SLC44A3: variants seen among roughly 807,000 people sequenced by gnomAD.
SLC44A3 encodes the protein choline transporter-like protein 3.
In SLC44A3, 74 loss-of-function variants were observed where a neutral mutation model predicts 75.4. The observed-to-expected ratio is 0.98, with a 90% CI of 0.81 to 1.19. SLC44A3 has a LOEUF of 1.19. Among genes scored for constraint, SLC44A3 ranks in the 50% most tolerant of loss-of-function variants. SLC44A3 has a pLI of 0.00. For missense variants in SLC44A3, 700 were observed against 778.6 expected (o/e 0.90, Z 1.20); for synonymous variants, 310 against 296.9 (o/e 1.04, Z -0.45).
At chr1:94,878,309 C>G (rs1668553892) in intron 12 of SLC44A3, among the ~76,000 whole-genome samples, 2 of 152,074 alleles carry the variant, frequency 1.3e-5, no homozygotes, top group Non-Finnish European at 2.9e-5. Context: ...TGCGAGGCTC[C>G]TGACCTCGCT....
At chr1:94,827,995 G>C (rs1175884685) in intron 4 of SLC44A3, among the ~76,000 whole-genome samples, 3 of 152,160 alleles carry the variant, frequency 2.0e-5, no homozygotes, top group Non-Finnish European at 4.4e-5. Context: ...TCCGGTCCTA[G>C]AGATGTACGT....
intron 2 of SLC44A3, among the ~76,000 whole-genome samples, chr1:94,822,339 A>G (rs1660726817): frequency 6.6e-6 from 1 of 152,236 alleles, no homozygotes; most frequent in African/African-American, 2.4e-5. Flanking sequence ...TTTCATTTGC[A>G]AAATAAGTCT....
intron 3 of SLC44A3, chr1:94,825,913 A>G (rs1421572266): frequency 2.0e-5 from 9 of 456,176 alleles, no homozygotes; most frequent in East Asian, 1.4e-4. Flanking sequence ...TTCATAATGC[A>G]GTGTCAACAA....
intron 6 of SLC44A3, among the ~76,000 whole-genome samples, chr1:94,838,715 A>C (rs1663150277): frequency 2.6e-5 from 4 of 152,242 alleles, no homozygotes; most frequent in Admixed American, 2.6e-4. Flanking sequence ...TATGACTTTC[A>C]GACTTCTTAC....
intron 14 of SLC44A3, among the ~76,000 whole-genome samples, chr1:94,894,300 C>T (rs1670537685): frequency 6.6e-6 from 1 of 152,146 alleles, no homozygotes; most frequent in Admixed American, 6.5e-5. Context: ...ACTCTCTGAC[C>T]TTCTCCCAAA....
At chr1:94,825,744 C>T (rs1661228130) in intron 3 of SLC44A3, 1 of 428,858 alleles carries the variant, frequency 2.3e-6, no homozygotes, top group Non-Finnish European at 4.7e-6. Context: ...CAGACTAAGC[C>T]TCTTATCCTC....
intron 5 of SLC44A3, among the ~76,000 whole-genome samples, chr1:94,836,082 T>C (rs1473040573): frequency 1.3e-5 from 2 of 152,248 alleles, no homozygotes. Flanking sequence ...CATTAGAAGC[T>C]TGGGAAGTCA....
chr1:94,843,523 G>C (rs1043179377), intron 8 of SLC44A3: 19 of 141,096 alleles, frequency 1.3e-4, no homozygotes, highest in African/African-American at 4.7e-4. Flanking sequence ...TCCTGGAGCA[G>C]CTTCTGCAGT....
intron 6 of SLC44A3, among the ~76,000 whole-genome samples, chr1:94,838,552 T>C (rs1292286728): frequency 2.6e-5 from 4 of 152,248 alleles, no homozygotes; most frequent in African/African-American, 9.6e-5. Context: ...TCTCCTCGCT[T>C]TCCAGTGGCA....
chr1:94,832,947 ACAGAGCAAGACCCTGTCT>A (rs1245474520), intron 5 of SLC44A3, among the ~76,000 whole-genome samples: 1 of 151,228 alleles, frequency 6.6e-6, no homozygotes, highest in East Asian at 1.9e-4. Flanking sequence ...AGCCTTGGTG[ACAGAGCAAGACCCTGTCT>A]CAACTTTTTT....
chr1:94,878,220 G>C (rs550781741), intron 12 of SLC44A3, among the ~76,000 whole-genome samples: 1 of 151,818 alleles, frequency 6.6e-6, no homozygotes, highest in Non-Finnish European at 1.5e-5. Context: ...GGGCGACAGC[G>C]AGACTCCGTC....
chr1:94,869,091 G>A (rs941761066), intron 12 of SLC44A3, among the ~76,000 whole-genome samples: 1 of 152,254 alleles, frequency 6.6e-6, no homozygotes, highest in Admixed American at 6.5e-5. Context: ...TTTGAGGACA[G>A]GTCTCTGCTG....
At chr1:94,824,443 T>G (rs1393760143) in intron 2 of SLC44A3, 50 bp from the exon 3 acceptor site, 2 of 1,535,750 alleles carry the variant, frequency 1.3e-6, no homozygotes, top group East Asian at 4.6e-5. Context: ...TGTGGGGCAC[T>G]GTGCGCTCAG....
intron 7 of SLC44A3, among the ~76,000 whole-genome samples, chr1:94,841,139 C>T (rs1238078410): frequency 6.6e-6 from 1 of 152,188 alleles, no homozygotes; most frequent in Admixed American, 6.5e-5. Context: ...CAGCATGCTA[C>T]TGTACAGAAT....
In SLC44A3 at chr1:94,845,348, C is replaced by T; in HGVS notation, c.956C>T (p.Thr319Ile). 3.1e-6 allele frequency: 5 copies of T among 1,613,934 alleles called. No homozygotes were observed. The highest frequency in any genetic ancestry group is 4.2e-6 in the Non-Finnish European group (5 of 1,179,966). ...TTGACAGTTGAGCTTTTCCAAATCA[C>T]AAATAAAGCCATCAGCAGTGCTCCC... ...IKLTVELFQI[T>I]NKAISSAPFL... The change falls in exon 9 of 15, where the codon ACA becomes ATA. Residue 319 changes from threonine (T) to isoleucine (I), a missense_variant. Physicochemically the swap from Thr to Ile is moderately conservative, Grantham distance 89. Coordinates refer to ENST00000271227, the MANE Select transcript of SLC44A3 (RefSeq NM_001114106.3).
chr1:94,833,841 C>T (rs1662444902), intron 5 of SLC44A3, among the ~76,000 whole-genome samples: 2 of 152,076 alleles, frequency 1.3e-5, no homozygotes, highest in South Asian at 4.1e-4. Context: ...GTAGATTTTA[C>T]TATATGCAAA....
At chr1:94,850,579 C>T (rs936340951) in intron 9 of SLC44A3, among the ~76,000 whole-genome samples, 2 of 151,946 alleles carry the variant, frequency 1.3e-5, no homozygotes, top group African/African-American at 4.9e-5. Context: ...GCAGCAGGGT[C>T]AGACAGAGAG....
intron 14 of SLC44A3, among the ~76,000 whole-genome samples, chr1:94,893,998 G>A (rs1024659777): frequency 3.9e-5 from 6 of 152,064 alleles, no homozygotes; most frequent in African/African-American, 7.2e-5. Flanking sequence ...AGGAGGCTGA[G>A]ACAGGAGAAT....
chr1:94,850,891 C>G (rs1054011599), intron 9 of SLC44A3, among the ~76,000 whole-genome samples: 2 of 152,044 alleles, frequency 1.3e-5, no homozygotes, highest in Non-Finnish European at 2.9e-5. Flanking sequence ...TTTCAGAGAT[C>G]TAGAAGATAA....
Sources: gnomAD v4.1 joint callset for allele counts (sites outside exome capture counted in the v4.1 genomes callset) on GRCh38, gnomAD v4.1.1 for gene constraint, MANE v1.5 for transcripts, NCBI Gene and HGNC (gene_info 2026-07-23, HGNC 2026-07-21) for gene names.